Variants in RASA2 observed in about 807,000 individuals in gnomAD.
The protein encoded by RASA2 is ras GTPase-activating protein 2.
Under a neutral mutation model 118.2 loss-of-function variants are expected in RASA2, and 155 were observed. The ratio of observed to expected loss-of-function variants is 1.31; its 90% CI spans 1.15 to 1.50. RASA2 has a LOEUF of 1.50. Among genes scored for constraint, RASA2 ranks in the 40% most tolerant of loss-of-function variants. The pLI is 0.00. For missense variants in RASA2, 1,016 were observed against 1,009.6 expected (o/e 1.01, Z -0.09); for synonymous variants, 353 against 349.1 (o/e 1.01, Z -0.12).
At chr3:141,523,000 A>G (rs1342287359) in intron 3 of RASA2, among the ~76,000 whole-genome samples, 1 of 151,858 alleles carries the variant, frequency 6.6e-6, no homozygotes, top group Non-Finnish European at 1.5e-5. Context: ...ACTGGCACTT[A>G]CTCTGCTCTA....
At chr3:141,608,802 A>G (rs895223957) in intron 21 of RASA2, 105 bp downstream of exon 21, 2 of 1,253,164 alleles carry the variant, frequency 1.6e-6, no homozygotes, top group Admixed American at 2.2e-5. Flanking sequence ...GATCCATGCA[A>G]CAACAAGGAT....
At chr3:141,536,273 G>A (rs537527368) in intron 4 of RASA2, among the ~76,000 whole-genome samples, 49 of 152,124 alleles carry the variant, frequency 3.2e-4, no homozygotes, top group Non-Finnish European at 6.3e-4. Context: ...AAGCAAAAGC[G>A]GAAACCCCTG....
chr3:141,576,052 CGGGCGTGGGCCACCG>C, intron 14 of RASA2, among the ~76,000 whole-genome samples: 1 of 152,308 alleles, frequency 6.6e-6, no homozygotes, highest in African/African-American at 2.4e-5. Context: ...GCTGGAATTA[CGGGCGTGGGCCACCG>C]CGCCCGGCCA....
Position 141,613,968 on chromosome 3 carries a change from G to A in RASA2, c.*1655G>A, listed in dbSNP as rs147183851. 1.2e-4 allele frequency: 19 copies of A among 152,208 alleles called. No individual in the cohort carries two copies. Among genetic ancestry groups the A allele is most frequent in the African/African-American group, 4.3e-4 (18 of 41,554 alleles). The allele number at this position is 152,208 out of a possible 1,614,324, so 9.4% of individuals were successfully genotyped here. ...GCTTGTAGATTCCATAAACTACACTGATTTATACATTTGAAAGAATTTAGC... is the reference window on the plus strand; with the variant it reads ...GCTTGTAGATTCCATAAACTACACTAATTTATACATTTGAAAGAATTTAGC... On this transcript the variant is annotated 3_prime_UTR_variant, in exon 24 of 24. Coordinates refer to ENST00000286364, the MANE Select transcript of RASA2 (RefSeq NM_006506.5).
rs929436589 is a variant in RASA2, at chr3:141,497,389, A to G, written c.133+10173A>G. ...GATTTCCTATAGGGAGTATATTTAT[A>G]TATTATATTATCAAAAGTAACTATT... On this transcript the variant is annotated intron_variant, in intron 1 of 23. Transcript: ENST00000286364. Among the ~76,000 whole-genome samples, 4 of 151,720 alleles carry G rather than the reference A, an allele frequency of 2.6e-5. No homozygotes were observed. The South Asian group carries it at 6.2e-4, about 24-fold the overall frequency.
At chr3:141,605,755 A>ATT (rs113917883) in intron 19 of RASA2, among the ~76,000 whole-genome samples, 57 of 138,926 alleles carry the variant, frequency 4.1e-4, no homozygotes, top group Admixed American at 1.9e-3. Context: ...TTAACTGGTG[A>ATT]TTTTTTTTTT....
chr3:141,572,061 T>TACACAC (rs374643522), intron 11 of RASA2, among the ~76,000 whole-genome samples: 1 of 98,268 alleles, frequency 1.0e-5, no homozygotes, highest in Non-Finnish European at 1.9e-5. Context: ...TATATATATA[T>TACACAC]ACACACACAC....
At chr3:141,577,790 A>G (rs1300708630) in intron 15 of RASA2, among the ~76,000 whole-genome samples, 6 of 152,200 alleles carry the variant, frequency 3.9e-5, no homozygotes, top group African/African-American at 1.4e-4. Context: ...TACCTGAGGT[A>G]ATACTGTAAA....
intron 3 of RASA2, among the ~76,000 whole-genome samples, chr3:141,518,148 C>CT (rs1489577521): frequency 2.0e-5 from 3 of 151,716 alleles, no homozygotes; most frequent in Admixed American, 2.0e-4. Context: ...TCTCCCTTTC[C>CT]TTTTTTATTT....
chr3:141,571,063 G>A lies in RASA2; in HGVS notation c.1015G>A (p.Val339Ile). Residue 339 changes from valine (V) to isoleucine (I), a missense_variant, in exon 10 of 24, where the codon GTT becomes ATT. Physicochemically the swap from Val to Ile is conservative, Grantham distance 29. This residue lies in a region of RASA2 where 896 missense variants were observed against 836.4 expected (regional missense o/e 1.07). Transcript: ENST00000286364. ...AACTTTGCTGCTAAAATCACCAGAT[G>A]TTCAAGTATGTTAAGAATCTTAAGG... ...LKTLLLKSPDVQPISASAAYI... is the reference protein window; with the variant it reads ...LKTLLLKSPDIQPISASAAYI... 6.3e-7 allele frequency: 1 copy of A among 1,596,748 alleles called. No homozygotes were observed. Among genetic ancestry groups the A allele is most frequent in the East Asian group, 2.2e-5 (1 of 44,488 alleles).
rs746093782 is a variant in RASA2, at chr3:141,487,142, C to A, written c.59C>A (p.Ala20Glu). The A allele has an allele frequency of 6.9e-7, 1 of 1,453,360 alleles. No individual in the cohort carries two copies. Among genetic ancestry groups the A allele is most frequent in the South Asian group, 1.3e-5 (1 of 75,512 alleles). 90.0% of individuals were successfully genotyped at this position (1,453,360 alleles called of 1,614,324 possible). ...TCTTCCGAGGCGCCAGCGGCGAGTG[C>A]GACTGCAGAGCCCGAGGCCGGGGAC... ...AASSEAPAAS[A>E]TAEPEAGDQD... Residue 20 changes from alanine to glutamate, a missense_variant, in exon 1 of 24, where the codon GCG becomes GAG. Transcript: ENST00000286364.
chr3:141,600,059 C>G (rs1019459815), intron 19 of RASA2, among the ~76,000 whole-genome samples: 2 of 152,094 alleles, frequency 1.3e-5, no homozygotes, highest in African/African-American at 4.8e-5. Context: ...TAATATTTTT[C>G]TACAGCAGTA....
At chr3:141,598,852 A>G (rs2083416385) in intron 19 of RASA2, among the ~76,000 whole-genome samples, 1 of 152,164 alleles carries the variant, frequency 6.6e-6, no homozygotes. Context: ...TGGGAGGCCA[A>G]GGTGGGCAGA....
chr3:141,525,082 GA>G, intron 3 of RASA2: 1 of 152,262 alleles, frequency 6.6e-6, no homozygotes, highest in Non-Finnish European at 1.5e-5. Context: ...AATGGTATTA[GA>G]AAGCTAAAAA....
chr3:141,526,329 G>A (rs1023544765), intron 3 of RASA2, among the ~76,000 whole-genome samples: 11 of 151,816 alleles, frequency 7.2e-5, no homozygotes, highest in African/African-American at 2.4e-4. Context: ...AATCAGAATC[G>A]TGAGGCTTTT....
intron 5 of RASA2, among the ~76,000 whole-genome samples, chr3:141,551,015 ATGTCTT>A (rs1317315572): frequency 2.0e-5 from 3 of 152,064 alleles, no homozygotes; most frequent in African/African-American, 7.2e-5. Flanking sequence ...TAACTTTTAA[ATGTCTT>A]TGTCTGCTAG....
intron 9 of RASA2, 88 bp downstream of exon 9, chr3:141,560,083 T>A (rs929717594): frequency 1.9e-6 from 2 of 1,044,466 alleles, no homozygotes; most frequent in Non-Finnish European, 2.8e-6. Context: ...TCTGAACATA[T>A]TTTAAATTTG....
chr3:141,553,995 A>T lies in RASA2; in HGVS notation c.611+55A>T, dbSNP rs534061479. The T allele has an allele frequency of 1.1e-4, 166 of 1,555,342 alleles. 3 individuals carry two copies. The South Asian group carries it at 1.8e-3, about 17-fold the overall frequency. On this transcript the variant is annotated intron_variant, in intron 6 of 23. Coordinates refer to ENST00000286364, the MANE Select transcript of RASA2 (RefSeq NM_006506.5). ...TAAAGTTTTGATGTTTGATTTAAAA[A>T]TTTAAAAAGTAAGATTCTACGAGCA... is the stretch of plus-strand genomic sequence containing the variant.
chr3:141,566,474 G>A (rs185126106), intron 9 of RASA2, among the ~76,000 whole-genome samples: 35 of 152,268 alleles, frequency 2.3e-4, no homozygotes, highest in African/African-American at 7.9e-4. Context: ...CCAACAGTGA[G>A]GAATCTATAA....
Sources: gnomAD v4.1 joint callset for allele counts (sites outside exome capture counted in the v4.1 genomes callset) on GRCh38, gnomAD v4.1.1 for gene constraint, gnomAD v4.1.1 regional missense constraint, MANE v1.5 for transcripts, NCBI Gene and HGNC (gene_info 2026-07-23, HGNC 2026-07-21) for gene names.